The following SLC8A3 variants were observed in gnomAD, a reference collection of about 807,000 sequenced individuals.
SLC8A3 encodes the protein solute carrier family 8 member A3.
A neutral mutation model predicts 65.4 loss-of-function variants in SLC8A3; 37 were observed. The observed-to-expected ratio is 0.57, with a 90% CI of 0.44 to 0.74. The LOEUF (loss-of-function observed/expected upper bound fraction) is 0.74. SLC8A3 is among the 30% of genes least tolerant of loss of function. SLC8A3 has a pLI of 0.00. For missense variants in SLC8A3, 1,112 were observed against 1,172.1 expected (o/e 0.95, Z 0.75); for synonymous variants, 461 against 444.5 (o/e 1.04, Z -0.47).
chr14:70,120,276 G>A (rs1249541989), intron 2 of SLC8A3, among the ~76,000 whole-genome samples: 1 of 152,176 alleles, frequency 6.6e-6, no homozygotes, highest in Non-Finnish European at 1.5e-5. Flanking sequence ...AATATACCAT[G>A]GCTATTATTG....
chr14:70,092,336 C>T (rs1163550947), intron 2 of SLC8A3, among the ~76,000 whole-genome samples: 1 of 152,160 alleles, frequency 6.6e-6, no homozygotes, highest in African/African-American at 2.4e-5. Flanking sequence ...TTTCCTGATG[C>T]CCCTCCTCAC....
intron 3 of SLC8A3, among the ~76,000 whole-genome samples, chr14:70,054,877 C>T (rs964681229): frequency 6.6e-6 from 1 of 152,056 alleles, no homozygotes; most frequent in African/African-American, 2.4e-5. Context: ...AGATGTTTTG[C>T]CTCTTAAGTG....
At chr14:70,188,251 A>C (rs1212001113) in intron 1 of SLC8A3, 128 bp downstream of exon 1, 1 of 152,448 alleles carries the variant, frequency 6.6e-6, no homozygotes, top group Non-Finnish European at 1.5e-5. Context: ...TGATCTTGAG[A>C]AATAACTTAA....
chr14:70,103,314 G>C (rs1892654065), intron 2 of SLC8A3, among the ~76,000 whole-genome samples: 1 of 151,920 alleles, frequency 6.6e-6, no homozygotes, highest in Non-Finnish European at 1.5e-5. Context: ...AATGAAAACG[G>C]GTTTACAGAT....
chr14:70,144,314 T>G (rs1271038101), intron 2 of SLC8A3, among the ~76,000 whole-genome samples: 19 of 135,258 alleles, frequency 1.4e-4, no homozygotes, highest in Admixed American at 2.9e-4. Flanking sequence ...TCCTGTTTTT[T>G]TTTTTTTTTT....
intron 1 of SLC8A3, among the ~76,000 whole-genome samples, chr14:70,180,315 T>C (rs183574566): frequency 1.2e-3 from 179 of 152,344 alleles, no homozygotes; most frequent in Admixed American, 2.0e-3. Context: ...CATTGCCTGA[T>C]TGAAGAACAA....
chr14:70,154,672 T>C (rs1896470379), intron 2 of SLC8A3, among the ~76,000 whole-genome samples: 1 of 152,218 alleles, frequency 6.6e-6, no homozygotes, highest in African/African-American at 2.4e-5. Flanking sequence ...TACTTCTTAT[T>C]GCACTTTTTC....
chr14:70,137,699 T>C (rs978805101), intron 2 of SLC8A3, among the ~76,000 whole-genome samples: 4 of 151,852 alleles, frequency 2.6e-5, no homozygotes, highest in African/African-American at 9.7e-5. Context: ...CCATGCTTTC[T>C]CCTCTATTTC....
chr14:70,097,554 G>A (rs1892271483), intron 2 of SLC8A3, among the ~76,000 whole-genome samples: 1 of 152,128 alleles, frequency 6.6e-6, no homozygotes, highest in Non-Finnish European at 1.5e-5. Context: ...CAGTTTCCTT[G>A]TTTGTACAAT....
chr14:70,080,751 A>G (rs1297072490), intron 2 of SLC8A3, among the ~76,000 whole-genome samples: 1 of 152,224 alleles, frequency 6.6e-6, no homozygotes, highest in Non-Finnish European at 1.5e-5. Context: ...TTGTGCACGG[A>G]GCTCCATACA....
At chr14:70,116,097 C>T (rs1050780794) in intron 2 of SLC8A3, among the ~76,000 whole-genome samples, 12 of 152,128 alleles carry the variant, frequency 7.9e-5, no homozygotes, top group Admixed American at 5.2e-4. Flanking sequence ...CCCCCTCCCC[C>T]ACAAAGGGAG....
intron 2 of SLC8A3, among the ~76,000 whole-genome samples, chr14:70,131,055 T>C (rs1343377889): frequency 9.9e-5 from 15 of 152,254 alleles, no homozygotes. Flanking sequence ...CACCCAAATT[T>C]ATGGGGCATG....
chr14:70,106,686 C>T (rs1297747284), intron 2 of SLC8A3, among the ~76,000 whole-genome samples: 1 of 152,124 alleles, frequency 6.6e-6, no homozygotes, highest in Non-Finnish European at 1.5e-5. Context: ...GGAAGAAGAT[C>T]TCAGAGTTGA....
At chr14:70,110,749 C>T (rs549469066) in intron 2 of SLC8A3, among the ~76,000 whole-genome samples, 10 of 147,236 alleles carry the variant, frequency 6.8e-5, no homozygotes, top group Admixed American at 5.6e-4. Flanking sequence ...GGTGCTATCT[C>T]GGCTCACTGA....
intron 6 of SLC8A3, chr14:70,047,454 G>A (rs1484339179): frequency 6.6e-6 from 1 of 152,138 alleles, no homozygotes; most frequent in Non-Finnish European, 1.5e-5. Context: ...TTGGAGAACA[G>A]AGATCACAGG....
chr14:70,051,861 G>A (rs894105686), intron 4 of SLC8A3, 129 bp downstream of exon 4: 9 of 692,322 alleles, frequency 1.3e-5, no homozygotes, highest in East Asian at 8.4e-5. Flanking sequence ...TGAGACCTGG[G>A]GTGGGTAAGT....
intron 1 of SLC8A3, among the ~76,000 whole-genome samples, chr14:70,172,269 A>G (rs139201685): frequency 7.6e-4 from 116 of 152,306 alleles, no homozygotes; most frequent in African/African-American, 2.4e-3. Context: ...TAGCAACCCT[A>G]TGAGGTTAGA....
chr14:70,168,738 G>A (rs1053602866), intron 1 of SLC8A3, among the ~76,000 whole-genome samples: 1 of 152,158 alleles, frequency 6.6e-6, no homozygotes, highest in East Asian at 1.9e-4. Context: ...TGCAGCAATA[G>A]CCTTCAAGTC....
chr14:70,135,088 T>C (rs574129168), intron 2 of SLC8A3, among the ~76,000 whole-genome samples: 1 of 152,182 alleles, frequency 6.6e-6, no homozygotes, highest in East Asian at 1.9e-4. Flanking sequence ...AAGACCTGAA[T>C]AGACATTTCT....
Sources: gnomAD v4.1 joint callset for allele counts (sites outside exome capture counted in the v4.1 genomes callset) on GRCh38, gnomAD v4.1.1 for gene constraint, MANE v1.5 for transcripts, NCBI Gene and HGNC (gene_info 2026-07-23, HGNC 2026-07-21) for gene names.